The following SEC14L5 variants were observed in gnomAD, a reference collection of about 807,000 sequenced individuals.
The protein encoded by SEC14L5 is SEC14-like protein 5.
In SEC14L5, 96 loss-of-function variants were observed where a neutral mutation model predicts 84.6. That is an observed-to-expected ratio of 1.13 (90% CI 0.96 to 1.34). The LOEUF (loss-of-function observed/expected upper bound fraction) is 1.34, where lower values mean the gene tolerates loss of function less well. Among genes scored for constraint, SEC14L5 ranks in the 40% most tolerant of loss-of-function variants. The pLI, the probability that SEC14L5 is intolerant of heterozygous loss-of-function variation, is 0.00. For missense variants in SEC14L5, 1,224 were observed against 942.5 expected, an observed-to-expected ratio of 1.30 and a Z score of -3.91; for synonymous variants, 546 against 383.4, an observed-to-expected ratio of 1.42 and a Z score of -4.95.
At chr16:4,965,660 C>CAAAAAAAAA (rs34483309) in intron 2 of SEC14L5, among the ~76,000 whole-genome samples, 4 of 53,100 alleles carry the variant, frequency 7.5e-5, no homozygotes, top group African/African-American at 1.8e-4. Flanking sequence ...GACTCCATCT[C>CAAAAAAAAA]AAAAAAAAAA....
intron 2 of SEC14L5, among the ~76,000 whole-genome samples, chr16:4,971,074 C>T (rs1955271866): frequency 6.8e-6 from 1 of 147,106 alleles, no homozygotes; most frequent in Non-Finnish European, 1.5e-5. Flanking sequence ...CACTGCACTC[C>T]AGCCTGGTGA....
At chr16:4,992,599 AT>A (rs1161173171) in intron 6 of SEC14L5, among the ~76,000 whole-genome samples, 1 of 152,232 alleles carries the variant, frequency 6.6e-6, no homozygotes, top group Non-Finnish European at 1.5e-5. Context: ...GTGCCTTGAC[AT>A]TGCCTCTTTC....
chr16:4,976,895 T>C (rs1955347695), intron 2 of SEC14L5, among the ~76,000 whole-genome samples: 2 of 152,124 alleles, frequency 1.3e-5, no homozygotes, highest in East Asian at 3.9e-4. Flanking sequence ...AAGCCAACTG[T>C]AGGGACAGGA....
At chr16:4,976,800 T>C (rs570381377) in intron 2 of SEC14L5, among the ~76,000 whole-genome samples, 3 of 152,320 alleles carry the variant, frequency 2.0e-5, no homozygotes, top group Non-Finnish European at 4.4e-5. Flanking sequence ...TGTAACTGAA[T>C]CCTTCTGTGG....
intron 2 of SEC14L5, among the ~76,000 whole-genome samples, chr16:4,965,978 G>C (rs528079431): frequency 6.6e-6 from 1 of 152,050 alleles, no homozygotes; most frequent in Non-Finnish European, 1.5e-5. Flanking sequence ...GGAGATTGAG[G>C]CTGCAGTGAG....
intron 10 of SEC14L5, among the ~76,000 whole-genome samples, chr16:5,001,785 T>C (rs78689208): frequency 2.6e-5 from 4 of 152,098 alleles, no homozygotes; most frequent in African/African-American, 9.6e-5. Context: ...CTTTTTTTTT[T>C]CCTTTGAGAC....
Position 4,988,154 on chromosome 16 carries a change from A to G in SEC14L5, c.219A>G (p.Ala73=). The G allele has an allele frequency of 6.2e-7, 1 of 1,605,944 alleles. No individual in the cohort carries two copies. Among genetic ancestry groups the G allele is most frequent in the Non-Finnish European group, 8.5e-7 (1 of 1,175,742 alleles). ...CCCCGCCCCTTCCCTTGCAGATCGC[A>G]GGTGTTGAGCACGTGGTCTTCGTGC... The part of the protein sequence containing the change: ...VDAPRLLRKI[A]GVEHVVFVQT... Residue 73 remains alanine (A), a synonymous_variant, in exon 4 of 16, where the codon GCA becomes GCG. Coordinates refer to ENST00000251170, the MANE Select transcript of SEC14L5 (RefSeq NM_014692.2).
chr16:5,006,460 CA>C (rs1955733230), intron 12 of SEC14L5, among the ~76,000 whole-genome samples: 1 of 152,172 alleles, frequency 6.6e-6, no homozygotes, highest in South Asian at 2.1e-4. Flanking sequence ...GACTAGCCTC[CA>C]ACCCACAGCC....
At chr16:4,991,213 A>G (rs1343558611) in intron 5 of SEC14L5, among the ~76,000 whole-genome samples, 1 of 143,868 alleles carries the variant, frequency 7.0e-6, no homozygotes, top group Non-Finnish European at 1.5e-5. Context: ...TGCTTGCTCT[A>G]AAGACCTCAG....
chr16:5,003,622 G>GCT, intron 11 of SEC14L5, 49 bp downstream of exon 11: 1 of 406,246 alleles, frequency 2.5e-6, no homozygotes, highest in African/African-American at 2.2e-5. Flanking sequence ...TGGGTGGGAT[G>GCT]GGAGGGGTTC....
At chr16:5,001,966 C>T (rs1202628347) in intron 10 of SEC14L5, among the ~76,000 whole-genome samples, 1 of 152,056 alleles carries the variant, frequency 6.6e-6, no homozygotes, top group Non-Finnish European at 1.5e-5. Context: ...GATGAGGTCT[C>T]ACCCTGTTGC....
chr16:4,968,726 C>T (rs1187345926), intron 2 of SEC14L5, among the ~76,000 whole-genome samples: 1 of 152,188 alleles, frequency 6.6e-6, no homozygotes. Context: ...CTGTGGGGCT[C>T]CAAAGCCCAG....
intron 8 of SEC14L5, among the ~76,000 whole-genome samples, chr16:5,000,217 G>C (rs1955659758): frequency 6.6e-6 from 1 of 152,002 alleles, no homozygotes; most frequent in South Asian, 2.1e-4. Context: ...CTTGAACCTG[G>C]GAGGCCGAGG....
In SEC14L5 at chr16:4,958,424, C is replaced by A. The variant is rs1159049350; in HGVS notation, c.-73C>A. The stretch of plus-strand genomic sequence containing the variant: ...AGGCGGGACACACCAGGCTAGAGAT[C>A]CGCGATCGGGCCCCGCCTCAGGTAC... On this transcript the variant is annotated 5_prime_UTR_variant, in exon 1 of 16. Coordinates refer to ENST00000251170, the MANE Select transcript of SEC14L5 (RefSeq NM_014692.2). 6.6e-6 allele frequency: 1 copy of A among 152,418 alleles called. No homozygotes were observed. The highest frequency in any genetic ancestry group is 2.4e-5 in the African/African-American group (1 of 41,356). The allele number at this position is 152,418 out of a possible 1,614,324, so 9.4% of individuals were successfully genotyped here.
intron 10 of SEC14L5, 51 bp downstream of exon 10, chr16:5,000,976 G>T: frequency 7.2e-7 from 1 of 1,382,090 alleles, no homozygotes; most frequent in Non-Finnish European, 1.0e-6. Flanking sequence ...AAGACGGAGG[G>T]TGGAGAGGGG....
intron 4 of SEC14L5, among the ~76,000 whole-genome samples, chr16:4,989,682 T>A (rs1955531506): frequency 6.6e-6 from 1 of 152,194 alleles, no homozygotes; most frequent in African/African-American, 2.4e-5. Flanking sequence ...CAACTCCTCT[T>A]GGGTCCTCCA....
intron 10 of SEC14L5, among the ~76,000 whole-genome samples, chr16:5,002,298 ATTTTT>A (rs71402579): frequency 1.5e-5 from 2 of 133,742 alleles, no homozygotes; most frequent in Non-Finnish European, 3.1e-5. Flanking sequence ...CTGTTTGCAG[ATTTTT>A]TTTTTTTTTT....
intron 2 of SEC14L5, among the ~76,000 whole-genome samples, chr16:4,980,682 C>A (rs908860624): frequency 1.3e-5 from 2 of 152,132 alleles, no homozygotes; most frequent in Non-Finnish European, 2.9e-5. Flanking sequence ...TCTCCTGTTA[C>A]AAGGCACGAT....
chr16:5,008,651 T>G lies in SEC14L5; in HGVS notation c.1800+3T>G. On this transcript the variant is annotated splice_donor_region_variant and intron_variant, in intron 14 of 15. Transcript: ENST00000251170. ...GCCGGGAGGGGGAGAGCATCCAGGT[T>G]TGCATTTTCTGGACCACTCATTCGC... 1 of 1,606,742 alleles carries G rather than the reference T, an allele frequency of 6.2e-7. No individual in the cohort carries two copies. Among genetic ancestry groups the G allele is most frequent in the Non-Finnish European group, 8.5e-7 (1 of 1,177,544 alleles).
Sources: gnomAD v4.1 joint callset for allele counts (sites outside exome capture counted in the v4.1 genomes callset) on GRCh38, gnomAD v4.1.1 for gene constraint, MANE v1.5 for transcripts, NCBI Gene and HGNC (gene_info 2026-07-23, HGNC 2026-07-21) for gene names.